GRID2: variants seen among roughly 807,000 people sequenced by gnomAD.
GRID2 encodes glutamate receptor ionotropic, delta-2.
A neutral mutation model predicts 114.8 loss-of-function variants in GRID2; 33 were observed. The observed-to-expected ratio is 0.29, with a 90% confidence interval of 0.22 to 0.38. The LOEUF (loss-of-function observed/expected upper bound fraction) is 0.38. Among genes scored for constraint, GRID2 ranks in the 10% least tolerant of loss-of-function variants. GRID2 has a pLI of 1.00. For synonymous variants in GRID2, 505 were observed against 449.9 expected, an observed-to-expected ratio of 1.12 and a Z score of -1.55; for missense variants, 1,184 against 1,257.7, an observed-to-expected ratio of 0.94 and a Z score of 0.89.
intron 2 of GRID2, among the ~76,000 whole-genome samples, chr4:93,058,951 G>A (rs1161644655): frequency 2.0e-5 from 3 of 151,918 alleles, no homozygotes; most frequent in African/African-American, 7.2e-5. Context: ...AGCAAAACAG[G>A]TGTGTATTCA....
chr4:93,374,014 C>T (rs1380092730), intron 8 of GRID2, among the ~76,000 whole-genome samples: 2 of 152,062 alleles, frequency 1.3e-5, no homozygotes, highest in African/African-American at 2.4e-5. Flanking sequence ...TTGTAGTTTC[C>T]ATGCCAATTC....
intron 14 of GRID2, among the ~76,000 whole-genome samples, chr4:93,668,217 C>CA (rs1724108676): frequency 6.6e-6 from 1 of 151,966 alleles, no homozygotes; most frequent in Admixed American, 6.6e-5. Flanking sequence ...TCTTTATAAA[C>CA]AGAGTATTTT....
At chr4:93,006,032 G>C (rs1234929985) in intron 2 of GRID2, among the ~76,000 whole-genome samples, 1 of 151,984 alleles carries the variant, frequency 6.6e-6, no homozygotes, top group African/African-American at 2.4e-5. Context: ...AAATCCTAGA[G>C]TGGCCTATTC....
At chr4:93,623,162 A>G (rs1214634872) in intron 13 of GRID2, among the ~76,000 whole-genome samples, 1 of 151,526 alleles carries the variant, frequency 6.6e-6, no homozygotes, top group South Asian at 2.1e-4. Flanking sequence ...TCTTTTTTTT[A>G]TTATTATTAT....
At chr4:93,662,245 G>A (rs12509478) in intron 14 of GRID2, among the ~76,000 whole-genome samples, 16,849 of 151,930 alleles carry the variant, frequency 0.11, 1,191 homozygotes, top group East Asian at 0.16. Flanking sequence ...AAAGGCACAC[G>A]CCCATCCCTG....
rs1174407138 is a variant in GRID2 at position 92,868,098 on chromosome 4, TTC to T, written c.245-216893_245-216892del. ...TGTCTGTCTGTCTGTCTTTCTTTCT[TTC>T]TCTTTCTTTCTTTTTTTAATGTGCA... On this transcript the variant is annotated intron_variant, in intron 2 of 15. Coordinates refer to ENST00000282020, the MANE Select transcript of GRID2 (RefSeq NM_001510.4). 2.6e-5 allele frequency among the ~76,000 whole-genome samples: 4 copies of T among 151,100 alleles called. No homozygotes were observed. In the Admixed American group the frequency reaches 2.7e-4, roughly 10 times the overall value.
At chr4:92,390,518 A>G (rs545139467) in intron 1 of GRID2, among the ~76,000 whole-genome samples, 1 of 152,304 alleles carries the variant, frequency 6.6e-6, no homozygotes, top group South Asian at 2.1e-4. Flanking sequence ...GAATGGATCA[A>G]GTCCAGGGAA....
chr4:92,564,810 A>G (rs1727257837), intron 1 of GRID2, among the ~76,000 whole-genome samples: 4 of 152,120 alleles, frequency 2.6e-5, no homozygotes, highest in South Asian at 2.1e-4. Context: ...GGAATGTCAT[A>G]TATTTATAAA....
chr4:93,224,835 A>G, intron 7 of GRID2, 60 bp downstream of exon 7: 1 of 1,199,202 alleles, frequency 8.3e-7, no homozygotes. Flanking sequence ...CATATTTTAG[A>G]AAAAGGGTTT....
At position 93,578,840 on chromosome 4, in the gene GRID2, G is replaced by A. The variant is rs190424194; in HGVS notation, c.2194-47429G>A. Among the ~76,000 whole-genome samples, 32 of 152,208 alleles carry A rather than the reference G, an allele frequency of 2.1e-4. 1 individual carries two copies. The East Asian group carries it at 2.9e-3, about 14-fold the overall frequency. Reference sequence around the variant, plus strand: ...GATCTCCTGACCTCGTGATCTGCCCGCCTCGGCCTCCCAGAGTGCTGGGAT... The same window carrying A: ...GATCTCCTGACCTCGTGATCTGCCCACCTCGGCCTCCCAGAGTGCTGGGAT... On this transcript the variant is annotated intron_variant, in intron 13 of 15. Coordinates refer to ENST00000282020, the MANE Select transcript of GRID2 (RefSeq NM_001510.4).
chr4:93,037,499 CAGGA>C lies in GRID2; in HGVS notation c.245-47493_245-47490del, dbSNP rs755952720. Among the ~76,000 whole-genome samples, 158 of 152,256 alleles carry C rather than the reference CAGGA, an allele frequency of 1.0e-3. 1 individual carries two copies. The highest frequency in any genetic ancestry group is 1.3e-3 in the Non-Finnish European group (88 of 68,006). On this transcript the variant is annotated intron_variant, in intron 2 of 15. Transcript: ENST00000282020. ...TTGCTATTGCTTGTGGTGTTTTCATCAGGAAGTCCTTGCCCATGCCTATGTCCTG... is the reference window on the plus strand; with the variant it reads ...TTGCTATTGCTTGTGGTGTTTTCATCAGTCCTTGCCCATGCCTATGTCCTG...
At chr4:93,024,383 A>G (rs774602549) in intron 2 of GRID2, among the ~76,000 whole-genome samples, 17 of 151,784 alleles carry the variant, frequency 1.1e-4, no homozygotes, top group Non-Finnish European at 2.2e-4. Context: ...ACATATTTAT[A>G]CCATAGAATT....
chr4:93,533,375 CTT>C (rs1303893561), intron 13 of GRID2, among the ~76,000 whole-genome samples: 4 of 86,338 alleles, frequency 4.6e-5, no homozygotes, highest in Non-Finnish European at 1.1e-4. Flanking sequence ...TTCTCTCTCT[CTT>C]TCTTTCTTTC....
chr4:93,218,022 C>T (rs1190270006), intron 6 of GRID2, among the ~76,000 whole-genome samples: 1 of 151,692 alleles, frequency 6.6e-6, no homozygotes, highest in Admixed American at 6.6e-5. Context: ...GGTGCTTTTG[C>T]AAAACTAATC....
At chr4:92,985,341 A>G (rs2149194439) in intron 2 of GRID2, among the ~76,000 whole-genome samples, 1 of 150,776 alleles carries the variant, frequency 6.6e-6, no homozygotes, top group South Asian at 2.1e-4. Flanking sequence ...CTTCTGCCTC[A>G]GCCTCAGCTG....
intron 13 of GRID2, among the ~76,000 whole-genome samples, chr4:93,571,362 T>A (rs1735916952): frequency 6.6e-6 from 1 of 152,110 alleles, no homozygotes; most frequent in African/African-American, 2.4e-5. Context: ...ATAGTATATA[T>A]AATTGTGCAT....
intron 13 of GRID2, among the ~76,000 whole-genome samples, chr4:93,613,115 G>C (rs1011088113): frequency 2.1e-5 from 3 of 145,202 alleles, no homozygotes; most frequent in African/African-American, 5.1e-5. Context: ...GGCTCCTGAG[G>C]CTTCTGCATT....
chr4:93,730,546 A>G (rs1490444159), intron 14 of GRID2, among the ~76,000 whole-genome samples: 1 of 152,206 alleles, frequency 6.6e-6, no homozygotes, highest in Non-Finnish European at 1.5e-5. Flanking sequence ...TGGAGAGCCA[A>G]GAGAGCATTG....
intron 1 of GRID2, among the ~76,000 whole-genome samples, chr4:92,317,803 A>G (rs148771129): frequency 2.0e-5 from 3 of 152,290 alleles, no homozygotes; most frequent in Admixed American, 6.5e-5. Context: ...AAGCTGAATG[A>G]CACTGACTGG....
Sources: gnomAD v4.1 joint callset for allele counts (sites outside exome capture counted in the v4.1 genomes callset) on GRCh38, gnomAD v4.1.1 for gene constraint, MANE v1.5 for transcripts, NCBI Gene and HGNC (gene_info 2026-07-23, HGNC 2026-07-21) for gene names.